Variants in CSMD1 observed in about 807,000 individuals in gnomAD.
The protein encoded by CSMD1 is CUB and Sushi multiple domains 1, also known as CUB and sushi domain-containing protein 1.
Under a neutral mutation model 417.5 loss-of-function variants are expected in CSMD1, and 213 were observed. That is an observed-to-expected ratio of 0.51 (90% confidence interval 0.46 to 0.57). The LOEUF is 0.57. Ranked by LOEUF, CSMD1 falls within the 20% of genes least tolerant of loss-of-function variation. CSMD1 has a pLI of 0.00. For missense variants in CSMD1, 6,923 were observed against 4,529.7 expected (o/e 1.53, Z -15.17); for synonymous variants, 2,862 against 1,736.8 (o/e 1.65, Z -16.11).
intron 3 of CSMD1, 59 bp from the exon 4 acceptor site, chr8:4,032,158 T>C: frequency 7.6e-7 from 1 of 1,320,274 alleles, no homozygotes; most frequent in Non-Finnish European, 1.1e-6. Flanking sequence ...GGAGAGCCAC[T>C]TATAAGATAA....
intron 6 of CSMD1, among the ~76,000 whole-genome samples, chr8:3,751,936 T>C (rs898525500): frequency 2.0e-5 from 3 of 152,196 alleles, no homozygotes; most frequent in Non-Finnish European, 2.9e-5. Context: ...GATCAGTCCA[T>C]TGGCCTTGTA....
chr8:3,547,637 T>G (rs1470258932), intron 10 of CSMD1, among the ~76,000 whole-genome samples: 2 of 152,224 alleles, frequency 1.3e-5, no homozygotes, highest in Non-Finnish European at 2.9e-5. Context: ...GTTAATAAAG[T>G]GGGTTTGTAA....
chr8:3,718,001 G>C (rs1216599870), intron 6 of CSMD1, among the ~76,000 whole-genome samples: 1 of 152,080 alleles, frequency 6.6e-6, no homozygotes, highest in Non-Finnish European at 1.5e-5. Flanking sequence ...ATGTAAATAA[G>C]AATATCTTAA....
At chr8:3,047,629 A>G (rs1030544176) in intron 50 of CSMD1, among the ~76,000 whole-genome samples, 1 of 152,188 alleles carries the variant, frequency 6.6e-6, no homozygotes, top group African/African-American at 2.4e-5. Flanking sequence ...CGTCTTTTCG[A>G]AACTCTCTGC....
At chr8:3,179,411 A>G (rs1821168064) in intron 37 of CSMD1, among the ~76,000 whole-genome samples, 1 of 152,250 alleles carries the variant, frequency 6.6e-6, no homozygotes, top group Admixed American at 6.5e-5. Context: ...CCAATTAAAA[A>G]ATACATTAAA....
chr8:4,677,100 T>G (rs969756183), intron 1 of CSMD1, among the ~76,000 whole-genome samples: 1 of 146,980 alleles, frequency 6.8e-6, no homozygotes, highest in Non-Finnish European at 1.5e-5. Flanking sequence ...TATTATAATA[T>G]CTATCATATA....
chr8:3,514,710 T>A (rs184744551), intron 10 of CSMD1, among the ~76,000 whole-genome samples: 1 of 152,292 alleles, frequency 6.6e-6, no homozygotes, highest in East Asian at 1.9e-4. Context: ...CATTTGAAGC[T>A]GAACCATGAT....
intron 3 of CSMD1, among the ~76,000 whole-genome samples, chr8:4,148,966 C>CTTT (rs33925411): frequency 6.9e-6 from 1 of 145,782 alleles, no homozygotes; most frequent in Non-Finnish European, 1.5e-5. Flanking sequence ...TTCATATTAA[C>CTTT]TTTTTTTTTT....
chr8:3,602,706 C>T (rs894271179), intron 8 of CSMD1, among the ~76,000 whole-genome samples: 2 of 142,798 alleles, frequency 1.4e-5, no homozygotes, highest in East Asian at 2.1e-4. Flanking sequence ...CATTCTTTTA[C>T]AGGAAGAATT....
chr8:3,439,132 AAAAAAAAAAAAAAAAAAAAACC>A (rs1814771211), intron 12 of CSMD1, among the ~76,000 whole-genome samples: 2 of 124,670 alleles, frequency 1.6e-5, no homozygotes, highest in East Asian at 2.5e-4. Flanking sequence ...CAAAAAAAAA[AAAAAAAAAAAAAAAAAAAAACC>A]AAGAAAAAAA....
intron 3 of CSMD1, among the ~76,000 whole-genome samples, chr8:4,411,413 G>C (rs139382617): frequency 7.3e-5 from 11 of 151,586 alleles, no homozygotes; most frequent in African/African-American, 2.7e-4. Context: ...TTAACCATTT[G>C]AAAAAATACA....
chr8:3,715,835 G>A (rs934178120), intron 6 of CSMD1, among the ~76,000 whole-genome samples: 19 of 152,156 alleles, frequency 1.2e-4, no homozygotes, highest in African/African-American at 4.3e-4. Context: ...GAGCCACAGC[G>A]CCCGGCCTGC....
At chr8:3,527,013 CTACT>C (rs2117486456) in intron 10 of CSMD1, among the ~76,000 whole-genome samples, 1 of 152,106 alleles carries the variant, frequency 6.6e-6, no homozygotes, top group Non-Finnish European at 1.5e-5. Context: ...TTGCCTCTCC[CTACT>C]CAGAATGTGG....
intron 54 of CSMD1, among the ~76,000 whole-genome samples, chr8:2,991,655 T>TA (rs559002276): frequency 7.0e-4 from 106 of 152,124 alleles, no homozygotes; most frequent in Non-Finnish European, 1.4e-3. Context: ...ATACCCTTTT[T>TA]AAAAAAAAGC....
intron 1 of CSMD1, among the ~76,000 whole-genome samples, chr8:4,993,416 G>GTCTCTCTCCCTCTTTCTCGCCCTC (rs1278120424): frequency 6.6e-6 from 1 of 152,132 alleles, no homozygotes; most frequent in Non-Finnish European, 1.5e-5. Flanking sequence ...TTCTCGCCCT[G>GTCTCTCTCCCTCTTTCTCGCCCTC]TCTCAAAAGG....
At chr8:4,869,672 G>A (rs181636093) in intron 1 of CSMD1, among the ~76,000 whole-genome samples, 84 of 151,668 alleles carry the variant, frequency 5.5e-4, no homozygotes, top group Non-Finnish European at 9.3e-4. Context: ...AAAACATTAG[G>A]GCACCATTTT....
intron 1 of CSMD1, among the ~76,000 whole-genome samples, chr8:4,985,596 C>G (rs2977731): frequency 0.98 from 148,898 of 152,336 alleles, 72,788 homozygotes; most frequent in East Asian, 1. Context: ...TTCCCTAAAT[C>G]ACAGTAGTTC....
chr8:2,993,303 G>A (rs1322429054), intron 54 of CSMD1, among the ~76,000 whole-genome samples: 1 of 152,114 alleles, frequency 6.6e-6, no homozygotes, highest in Non-Finnish European at 1.5e-5. Context: ...GCCTGTCTGG[G>A]TTTTCTAAAT....
At chr8:3,772,216 AT>A (rs1563063723) in intron 5 of CSMD1, among the ~76,000 whole-genome samples, 1 of 140,030 alleles carries the variant, frequency 7.1e-6, no homozygotes, top group Non-Finnish European at 1.6e-5. Flanking sequence ...ACACACACAC[AT>A]ATAATACACA....
Sources: allele counts gnomAD v4.1 joint callset (sites outside exome capture counted in the v4.1 genomes callset), GRCh38; gene constraint gnomAD v4.1.1; transcripts MANE v1.5; gene names NCBI Gene and HGNC (gene_info 2026-07-23, HGNC 2026-07-21).